ATAD3C: variants seen among roughly 807,000 people sequenced by gnomAD.
ATAD3C encodes ATPase family AAA domain-containing protein 3C.
In ATAD3C, 38 loss-of-function variants were observed where a neutral mutation model predicts 46.3. The observed-to-expected ratio is 0.82, with a 90% CI of 0.63 to 1.08. ATAD3C has a LOEUF of 1.08. ATAD3C is among the 50% of genes least tolerant of loss of function. The pLI, the probability that ATAD3C is intolerant of heterozygous loss-of-function variation, is 0.00. For missense variants in ATAD3C, 563 were observed against 572.7 expected (o/e 0.98, Z 0.17); for synonymous variants, 220 against 236.4 (o/e 0.93, Z 0.63).
intron 4 of ATAD3C, 78 bp downstream of exon 4, chr1:1,454,578 A>G (rs1638920952): frequency 1.3e-6 from 2 of 1,520,838 alleles, no homozygotes; most frequent in African/African-American, 1.5e-5. Flanking sequence ...CAGCCCACGC[A>G]TATACTCCTG....
At position 1,461,648 on chromosome 1, in the gene ATAD3C, CT is replaced by C. The variant is rs1557780498; in HGVS notation, c.980+732del. ...TCCTCATGAGACCCCCATGTAGGGACTGGAGGGAGAGGCTCCTCATGAGACC... is the reference window on the plus strand; with the variant it reads ...TCCTCATGAGACCCCCATGTAGGGACGGAGGGAGAGGCTCCTCATGAGACC... On this transcript the variant is annotated intron_variant, in intron 10 of 11. Coordinates refer to ENST00000378785, the MANE Select transcript of ATAD3C (RefSeq NM_001039211.3). Among the ~76,000 whole-genome samples the C allele has an allele frequency of 2.4e-3, 268 of 111,924 alleles. 6 individuals carry two copies. Among genetic ancestry groups the C allele is most frequent in the African/African-American group, 0.014 (258 of 18,458 alleles). 73.4% of individuals were successfully genotyped at this position (111,924 alleles called of 152,430 possible).
intron 2 of ATAD3C, 49 bp downstream of exon 2, chr1:1,452,171 T>A: frequency 6.2e-7 from 1 of 1,604,038 alleles, no homozygotes; most frequent in Non-Finnish European, 8.5e-7. Flanking sequence ...CCCCCACAGG[T>A]GTGAGTCGCT....
At chr1:1,452,572 C>T in intron 3 of ATAD3C, 138 bp downstream of exon 3, 1 of 1,415,488 alleles carries the variant, frequency 7.1e-7, no homozygotes, top group South Asian at 1.2e-5. Flanking sequence ...CCAAACTGGA[C>T]CTGCTGGTGG....
chr1:1,460,958 G>A (rs76815729), intron 10 of ATAD3C, 41 bp downstream of exon 10: 74,525 of 1,564,710 alleles, frequency 0.048, 10,957 homozygotes, highest in East Asian at 0.46. Flanking sequence ...AGGGGCCCTC[G>A]CTCAGGGTCC....
chr1:1,450,948 G>T (rs962787898), intron 1 of ATAD3C, among the ~76,000 whole-genome samples, 190 bp downstream of exon 1: 5 of 151,760 alleles, frequency 3.3e-5, no homozygotes, highest in Non-Finnish European at 5.9e-5. Flanking sequence ...CCGCAGAGCC[G>T]CCCGAGAGGG....
chr1:1,455,358 C>G (rs1047346518), intron 4 of ATAD3C, 102 bp from the exon 5 acceptor site: 2 of 1,495,772 alleles, frequency 1.3e-6, no homozygotes, highest in Admixed American at 2.0e-5. Context: ...GGCTGTGATT[C>G]GGGGCAGCTC....
At chr1:1,452,295 C>T in intron 2 of ATAD3C, 70 bp from the exon 3 acceptor site, 2 of 1,610,552 alleles carry the variant, frequency 1.2e-6, no homozygotes, top group South Asian at 1.1e-5. Flanking sequence ...AGGCCTCACC[C>T]TCAACCTGTT....
At chr1:1,464,162 G>A (rs1187686197) in intron 11 of ATAD3C, among the ~76,000 whole-genome samples, 3 of 150,310 alleles carry the variant, frequency 2.0e-5, no homozygotes, top group East Asian at 2.0e-4. Flanking sequence ...AGCCGAGATC[G>A]TGCCACTGTA....
At position 1,467,407 on chromosome 1, in the gene ATAD3C, G is replaced by A. The variant is rs575637741; in HGVS notation, c.1090-977G>A. Among the ~76,000 whole-genome samples the A allele has an allele frequency of 9.9e-5, 15 of 152,072 alleles. No homozygotes were observed. In the East Asian group the frequency reaches 1.4e-3, roughly 14 times the overall value. ...TCCGGTCAGTGTCTCCTGCGCTCCC[G>A]GGCCCCCGACCCACAGTGGTGGTCC... is the stretch of plus-strand genomic sequence containing the variant. On this transcript the variant is annotated intron_variant, in intron 11 of 11. Coordinates refer to ENST00000378785, the MANE Select transcript of ATAD3C (RefSeq NM_001039211.3).
intron 8 of ATAD3C, among the ~76,000 whole-genome samples, chr1:1,457,789 T>TGCAA (rs1557778799): frequency 6.7e-6 from 1 of 149,432 alleles, no homozygotes; most frequent in Non-Finnish European, 1.5e-5. Flanking sequence ...GCGATTCTCC[T>TGCAA]GCTTCATCCT....
intron 11 of ATAD3C, among the ~76,000 whole-genome samples, chr1:1,464,518 C>T (rs2100490373): frequency 6.6e-6 from 1 of 152,056 alleles, no homozygotes; most frequent in African/African-American, 2.4e-5. Flanking sequence ...CGCCTGTAAT[C>T]CCAGCACTTT....
chr1:1,468,324 G>T (rs535155753), intron 11 of ATAD3C, 60 bp from the exon 12 acceptor site: 2 of 1,561,376 alleles, frequency 1.3e-6, no homozygotes, highest in Admixed American at 4.2e-5. Context: ...GGGCCCTGGC[G>T]TGCATTTGGG....
rs752427001 is a variant in ATAD3C at position 1,459,283 on chromosome 1, A to G, written c.812+52A>G. The G allele has an allele frequency of 3.3e-4, 534 of 1,610,348 alleles. 6 individuals are homozygous for G. Among genetic ancestry groups the G allele is most frequent in the East Asian group, 1.7e-3 (74 of 44,780 alleles). The stretch of plus-strand genomic sequence containing the variant: ...CCCCGGGCAGGGCTGTGCAGCCGTC[A>G]CCCTTGGTTCCCACCGAGGGACCTG... On this transcript the variant is annotated intron_variant, in intron 9 of 11. Coordinates refer to ENST00000378785, the MANE Select transcript of ATAD3C (RefSeq NM_001039211.3). This position sits in a 1 kb window ranked among gnomAD's most constrained non-coding sequence, Gnocchi z 4.9.
chr1:1,462,723 G>T lies in ATAD3C; in HGVS notation c.1089+15G>T. 6.3e-7 allele frequency: 1 copy of T among 1,591,528 alleles called. No homozygotes were observed. The highest frequency in any genetic ancestry group is 8.6e-7 in the Non-Finnish European group (1 of 1,169,180). ...TGTCCTGGCAGGTGAGTCAGGCTCG[G>T]GTGCACCCACCCAGATGGAAGCCCA... is the stretch of plus-strand genomic sequence containing the variant. On this transcript the variant is annotated intron_variant, in intron 11 of 11. Coordinates refer to ENST00000378785, the MANE Select transcript of ATAD3C (RefSeq NM_001039211.3). This position sits in a 1 kb window ranked among gnomAD's most constrained non-coding sequence, Gnocchi z 4.5.
intron 1 of ATAD3C, among the ~76,000 whole-genome samples, chr1:1,451,698 G>C (rs879517550): frequency 6.6e-6 from 1 of 152,036 alleles, no homozygotes; most frequent in Non-Finnish European, 1.5e-5. Context: ...GCCTGTTGTG[G>C]GCATTGTAGC....
Position 1,462,192 on chromosome 1 carries a change from TCA to T in ATAD3C, c.981-407_981-406del, listed in dbSNP as rs1240862488. Among the ~76,000 whole-genome samples, 4 of 152,140 alleles carry T rather than the reference TCA, an allele frequency of 2.6e-5. No individual in the cohort carries two copies. The highest frequency in any genetic ancestry group is 4.4e-5 in the Non-Finnish European group (3 of 67,960). ...CCATGCTAGACCAGCTTTCCGGGTC[TCA>T]GTTTCCCTATGCCCTCCCCTTCCCT... On this transcript the variant is annotated intron_variant, in intron 10 of 11. Coordinates refer to ENST00000378785, the MANE Select transcript of ATAD3C (RefSeq NM_001039211.3). The surrounding 1 kb of genome is among the most constrained non-coding windows in gnomAD (Gnocchi z 4.5).
intron 3 of ATAD3C, among the ~76,000 whole-genome samples, 166 bp from the exon 4 acceptor site, chr1:1,454,179 G>A (rs542748421): frequency 1.3e-5 from 2 of 152,184 alleles, no homozygotes; most frequent in South Asian, 2.1e-4. Flanking sequence ...CTGTAACCGC[G>A]TGGCTGTGGG....
chr1:1,453,581 C>T (rs528419571), intron 3 of ATAD3C, among the ~76,000 whole-genome samples: 2 of 151,928 alleles, frequency 1.3e-5, no homozygotes, highest in Non-Finnish European at 2.9e-5. Context: ...AAGTGATCCA[C>T]CCATCTTGGC....
In ATAD3C at chr1:1,459,685, C is replaced by T. The variant is rs1213679715; in HGVS notation, c.812+454C>T. On this transcript the variant is annotated intron_variant, in intron 9 of 11. Transcript: ENST00000378785. The surrounding 1 kb of genome is among the most constrained non-coding windows in gnomAD (Gnocchi z 4.9). ...GGCGGAACCTGGGACCTTGGTCCCC[C>T]GCCCGGATGCTGGCCAAGGGTGCAC... 2.6e-5 allele frequency among the ~76,000 whole-genome samples: 4 copies of T among 151,866 alleles called. No homozygotes were observed. The highest frequency in any genetic ancestry group is 3.9e-4 in the East Asian group (2 of 5,168).
Sources: gnomAD v4.1 joint callset for allele counts (sites outside exome capture counted in the v4.1 genomes callset) on GRCh38, gnomAD v4.1.1 for gene constraint, Gnocchi (gnomAD v3.1) non-coding constraint, MANE v1.5 for transcripts, NCBI Gene and HGNC (gene_info 2026-07-23, HGNC 2026-07-21) for gene names.